Variants in SPATA31C1 observed in about 807,000 individuals in gnomAD.
SPATA31C1 encodes the protein SPATA31 subfamily C member 1.
chr9:87,920,713 G>A lies in SPATA31C1; in HGVS notation n.1103G>A, dbSNP rs759896142. On this transcript the variant is annotated non_coding_transcript_exon_variant, in exon 5 of 5. Transcript: ENST00000420021. ...ACCGTCCCTCAAAGCTTGTCTCCAC[G>A]TGAGGATTTGGCGGCTTCTGTCCCA... The A allele has an allele frequency of 2.2e-5, 35 of 1,613,820 alleles. 1 individual carries two copies. The Middle Eastern group carries it at 1.2e-3, about 53-fold the overall frequency.
chr9:87,920,345 C>G, exon 5 of SPATA31C1: 1 of 1,613,970 alleles, frequency 6.2e-7, no homozygotes, highest in Non-Finnish European at 8.5e-7. Context: ...CTGATGGAGC[C>G]TCCCGGTCCT....
At chr9:87,922,136 A>G (rs771815605) in exon 5 of SPATA31C1, 66 of 1,613,598 alleles carry the variant, frequency 4.1e-5, no homozygotes, top group Non-Finnish European at 5.3e-5. Context: ...CCTCACCTGC[A>G]TGTAAGCAGT....
chr9:87,923,614 C>T (rs1266671660), downstream of SPATA31C1: 14 of 679,294 alleles, frequency 2.1e-5, no homozygotes, highest in South Asian at 3.9e-5. Context: ...TGTTAGTACA[C>T]GCAGAACATT....
intron 1 of SPATA31C1, among the ~76,000 whole-genome samples, chr9:87,916,568 C>G (rs1363364466): frequency 6.7e-6 from 1 of 150,070 alleles, no homozygotes; most frequent in African/African-American, 2.4e-5. Context: ...AAAAAACAAG[C>G]CAATTAGAAA....
chr9:87,919,533 A>T (rs1290138716), intron 3 of SPATA31C1, among the ~76,000 whole-genome samples, 185 bp downstream of exon 2: 4 of 99,180 alleles, frequency 4.0e-5, no homozygotes, highest in Non-Finnish European at 7.9e-5. Context: ...ACTGAGCGTT[A>T]CCCAGCAGGG....
At chr9:87,922,429 C>G (rs1828899079) in exon 5 of SPATA31C1, 1 of 1,610,274 alleles carries the variant, frequency 6.2e-7, no homozygotes, top group Non-Finnish European at 8.5e-7. Context: ...AGCAAAAGCT[C>G]TCTACTCCCT....
chr9:87,920,672 G>A lies in SPATA31C1; in HGVS notation n.1062G>A, dbSNP rs779496659. 2.3e-5 allele frequency: 37 copies of A among 1,613,782 alleles called. No individual in the cohort carries two copies. The African/African-American group carries it at 4.5e-4, about 20-fold the overall frequency. On this transcript the variant is annotated non_coding_transcript_exon_variant, in exon 5 of 5. Coordinates refer to ENST00000420021, the Ensembl canonical transcript of SPATA31C1. ...TAACACCATCTCACTGTGACTCAGT[G>A]GCACTTCCACTGGACACCGTCCCTC...
chr9:87,916,797 A>G (rs1423648012), intron 1 of SPATA31C1, among the ~76,000 whole-genome samples: 12 of 83,420 alleles, frequency 1.4e-4, no homozygotes, highest in South Asian at 5.1e-4. Context: ...GGAGAACAAG[A>G]CCATCCTGGC....
exon 5 of SPATA31C1, chr9:87,922,272 C>A: frequency 6.2e-7 from 1 of 1,612,626 alleles, no homozygotes; most frequent in Non-Finnish European, 8.5e-7. Context: ...CAGCACCCAG[C>A]AGAGCAGGAG....
chr9:87,920,081 A>T, intron 4 of SPATA31C1, 105 bp downstream of exon 3: 1 of 1,608,048 alleles, frequency 6.2e-7, no homozygotes, highest in Non-Finnish European at 8.5e-7. Context: ...CCAGGGGGAC[A>T]GAGGATGGGA....
At chr9:87,916,718 C>T (rs1206293233) in intron 1 of SPATA31C1, among the ~76,000 whole-genome samples, 123 of 116,408 alleles carry the variant, frequency 1.1e-3, no homozygotes, top group Middle Eastern at 4.2e-3. Context: ...AGACAGCAGG[C>T]CCGGCACGGT....
exon 5 of SPATA31C1, chr9:87,921,817 C>T: frequency 6.2e-7 from 1 of 1,612,078 alleles, no homozygotes; most frequent in Middle Eastern, 2.3e-4. Context: ...TGTGTAAACA[C>T]AGCCCAGGTG....
At chr9:87,915,582 T>C (rs954140485) in intron 1 of SPATA31C1, among the ~76,000 whole-genome samples, 4 of 145,492 alleles carry the variant, frequency 2.7e-5, no homozygotes, top group Admixed American at 6.8e-5. Context: ...ATTACAGGCA[T>C]GAGCCACCGC....
Position 87,921,785 on chromosome 9 carries a change from A to G in SPATA31C1, n.2175A>G, listed in dbSNP as rs1242620198. ...CCCACGTGAAAACCAGCAATCTAGCAGCCCCGAAAAGTAGGAAAGCCTGTG... is the reference window on the plus strand; with the variant it reads ...CCCACGTGAAAACCAGCAATCTAGCGGCCCCGAAAAGTAGGAAAGCCTGTG... On this transcript the variant is annotated non_coding_transcript_exon_variant, in exon 5 of 5. Coordinates refer to ENST00000420021, the Ensembl canonical transcript of SPATA31C1. The G allele has an allele frequency of 2.5e-6, 4 of 1,612,054 alleles. No individual in the cohort carries two copies. The Admixed American group carries it at 6.7e-5, about 27-fold the overall frequency.
At position 87,921,546 on chromosome 9, in the gene SPATA31C1, G is replaced by C. The variant is rs769525270; in HGVS notation, n.1936G>C. On this transcript the variant is annotated non_coding_transcript_exon_variant, in exon 5 of 5. Coordinates refer to ENST00000420021, the Ensembl canonical transcript of SPATA31C1. ...GGAAAGCTTCCCAGGGAAGGTTCTG[G>C]GGGCGACCTCTGAGGAGTCAGAAAG... 7 of 1,611,876 alleles carry C rather than the reference G, an allele frequency of 4.3e-6. No homozygotes were observed. In the Admixed American group the frequency reaches 1.0e-4, roughly 23 times the overall value.
At chr9:87,916,509 A>G (rs1450946280) in intron 1 of SPATA31C1, among the ~76,000 whole-genome samples, 2 of 149,742 alleles carry the variant, frequency 1.3e-5, no homozygotes, top group South Asian at 2.1e-4. Context: ...CAAGGAGCTC[A>G]TATCTAGAAT....
In SPATA31C1 at chr9:87,921,853, A is replaced by C. The variant is rs774870335; in HGVS notation, n.2243A>C. ...CTTTCCTTCCTTGAGCTGTGTACTC[A>C]GCAGGTGCTGGAAGCCCATATTGTG... On this transcript the variant is annotated non_coding_transcript_exon_variant, in exon 5 of 5. Coordinates refer to ENST00000420021, the Ensembl canonical transcript of SPATA31C1. 22 of 1,612,064 alleles carry C rather than the reference A, an allele frequency of 1.4e-5. No homozygotes were observed. In the South Asian group the frequency reaches 2.2e-4, roughly 16 times the overall value.
intron 1 of SPATA31C1, among the ~76,000 whole-genome samples, chr9:87,916,082 T>C (rs1296864632): frequency 7.0e-6 from 1 of 143,266 alleles, no homozygotes; most frequent in African/African-American, 2.5e-5. Context: ...GGAGGGGTGG[T>C]AGTGTATGGA....
chr9:87,919,181 T>A (rs769914675), intron 2 of SPATA31C1, 74 bp from the exon 2 acceptor site: 1 of 1,588,944 alleles, frequency 6.3e-7, no homozygotes, highest in Non-Finnish European at 8.6e-7. Flanking sequence ...ATGCGGTTCA[T>A]GAGTGCAGCG....
Sources: gnomAD v4.1 joint callset for allele counts (sites outside exome capture counted in the v4.1 genomes callset) on GRCh38, gnomAD v4.1.1 for gene constraint, MANE v1.5 for transcripts, NCBI Gene and HGNC (gene_info 2026-07-23, HGNC 2026-07-21) for gene names.